Variants in CHD6 observed in about 807,000 individuals in gnomAD.
The protein encoded by CHD6 is ATP-dependent chromatin remodeler CHD6.
CHD6 carries 50 observed loss-of-function variants against 276.9 expected under a neutral mutation model. The ratio of observed to expected loss-of-function variants is 0.18; its 90% CI spans 0.14 to 0.23. The LOEUF (loss-of-function observed/expected upper bound fraction) is 0.23. CHD6 is among the 10% of genes least tolerant of loss of function. CHD6 has a pLI of 1.00. For missense variants in CHD6, 2,564 were observed against 3,365.8 expected (o/e 0.76, Z 5.89); for synonymous variants, 1,173 against 1,229.3 (o/e 0.95, Z 0.96).
chr20:41,406,319 T>C (rs932837609), intron 36 of CHD6, among the ~76,000 whole-genome samples: 13 of 152,252 alleles, frequency 8.5e-5, no homozygotes, highest in Admixed American at 2.0e-4. Context: ...CAGAGAGTTC[T>C]GCAGTAAAGC....
At chr20:41,503,048 A>G (rs1367938535) in intron 5 of CHD6, among the ~76,000 whole-genome samples, 1 of 152,046 alleles carries the variant, frequency 6.6e-6, no homozygotes, top group African/African-American at 2.4e-5. Context: ...AACAAAACCC[A>G]TATGTGCTAC....
In CHD6 at chr20:41,473,129, A is replaced by G; in HGVS notation, c.2664+193T>C. On this transcript the variant is annotated intron_variant, in intron 17 of 36. Transcript: ENST00000373233. This position sits in a 1 kb window ranked among gnomAD's most constrained non-coding sequence, Gnocchi z 4.1. Reference sequence around the variant, plus strand: ...CATTTGATTTAACGGAAAGAACCACACTCTCTAATTAGTTGGAAGGGTCGA... The same window carrying G: ...CATTTGATTTAACGGAAAGAACCACGCTCTCTAATTAGTTGGAAGGGTCGA... The G allele has an allele frequency of 3.8e-6, 2 of 524,830 alleles. No individual in the cohort carries two copies. The highest frequency in any genetic ancestry group is 3.3e-5 in the South Asian group (1 of 30,134). The allele number at this position is 524,830 out of a possible 1,614,324, so 32.5% of individuals were successfully genotyped here. A position where few individuals can be genotyped will look rare whatever the true frequency, so the allele number is the denominator to read the frequency against.
At chr20:41,489,046 G>A (rs2145855217) in intron 12 of CHD6, among the ~76,000 whole-genome samples, 1 of 152,276 alleles carries the variant, frequency 6.6e-6, no homozygotes, top group South Asian at 2.1e-4. Flanking sequence ...TGAAGGTAAT[G>A]ATTCTGATGC....
chr20:41,417,306 T>A lies in CHD6; in HGVS notation c.6171A>T (p.Thr2057=). The A allele has an allele frequency of 6.2e-7, 1 of 1,614,192 alleles. No individual in the cohort carries two copies. The highest frequency in any genetic ancestry group is 8.5e-7 in the Non-Finnish European group (1 of 1,180,034). ...KYSEEESKSS[T]SGITGDIGDE... ...CCCCAATGTCTCCTGTGATGCCCGA[T>A]GTTGAGCTCTTGCTCTCCTCTTCAG... is the stretch of plus-strand genomic sequence containing the variant. The change falls in exon 32 of 37, where the codon ACA becomes ACT. Residue 2057 remains threonine, a synonymous_variant. Transcript: ENST00000373233.
chr20:41,474,688 T>G (rs2043133199), intron 16 of CHD6, among the ~76,000 whole-genome samples: 1 of 152,098 alleles, frequency 6.6e-6, no homozygotes, highest in South Asian at 2.1e-4. Flanking sequence ...AAAATAAGGA[T>G]AGATAACCTA....
intron 25 of CHD6, among the ~76,000 whole-genome samples, chr20:41,442,652 T>G (rs751923579): frequency 2.0e-5 from 3 of 152,190 alleles, no homozygotes; most frequent in Non-Finnish European, 4.4e-5. Flanking sequence ...CCAGAGCTGC[T>G]GAGTATCTGA....
chr20:41,500,285 C>T (rs1001505824), intron 5 of CHD6, among the ~76,000 whole-genome samples: 1 of 152,118 alleles, frequency 6.6e-6, no homozygotes, highest in Non-Finnish European at 1.5e-5. Flanking sequence ...CTTCAGTCTA[C>T]CCATTCTAGG....
At chr20:41,560,346 G>A (rs553328826) in intron 1 of CHD6, among the ~76,000 whole-genome samples, 1 of 152,238 alleles carries the variant, frequency 6.6e-6, no homozygotes, top group Admixed American at 6.5e-5. Context: ...GAACACCTGT[G>A]GGTTCCGACT....
chr20:41,438,735 G>T (rs1431175834), intron 26 of CHD6, among the ~76,000 whole-genome samples: 1 of 152,156 alleles, frequency 6.6e-6, no homozygotes, highest in Non-Finnish European at 1.5e-5. Flanking sequence ...ACAAAAAATA[G>T]CCTTTATGCC....
chr20:41,413,149 T>C (rs1466271581), intron 35 of CHD6, among the ~76,000 whole-genome samples, 175 bp downstream of exon 35: 1 of 152,220 alleles, frequency 6.6e-6, no homozygotes, highest in African/African-American at 2.4e-5. Context: ...TACTGAAGAA[T>C]TTAATCAAAA....
chr20:41,577,972 C>A (rs2045492497), intron 1 of CHD6, among the ~76,000 whole-genome samples: 1 of 152,072 alleles, frequency 6.6e-6, no homozygotes, highest in Non-Finnish European at 1.5e-5. Flanking sequence ...CAGTGTCTGG[C>A]ACATAGAAAA....
chr20:41,454,835 T>C (rs2048336769), intron 19 of CHD6, 99 bp from the exon 20 acceptor site: 10 of 724,842 alleles, frequency 1.4e-5, no homozygotes, highest in Non-Finnish European at 2.0e-5. Flanking sequence ...TATTATCTAT[T>C]TGCATTCAAA....
intron 5 of CHD6, among the ~76,000 whole-genome samples, chr20:41,511,049 T>C (rs750083969): frequency 1.3e-5 from 2 of 152,232 alleles, no homozygotes; most frequent in Non-Finnish European, 2.9e-5. Context: ...TGGATCGTTC[T>C]GGGCTTCAGT....
intron 6 of CHD6, among the ~76,000 whole-genome samples, chr20:41,498,807 ATGTATGTGTGTGTGTG>A (rs61199955): frequency 0.23 from 27,371 of 116,890 alleles, 2,938 homozygotes; most frequent in East Asian, 0.45. Flanking sequence ...GTATGTATGT[ATGTATGTGTGTGTGTG>A]TGTGTGTGTG....
intron 1 of CHD6, among the ~76,000 whole-genome samples, chr20:41,555,032 G>C (rs1435890287): frequency 4.8e-5 from 7 of 147,356 alleles, no homozygotes; most frequent in Non-Finnish European, 9.0e-5. Context: ...CCTCCCTCCC[G>C]GACGGGGCGG....
chr20:41,465,183 T>C (rs1232892371), intron 17 of CHD6, among the ~76,000 whole-genome samples: 2 of 152,298 alleles, frequency 1.3e-5, no homozygotes, highest in East Asian at 3.9e-4. Flanking sequence ...AAAAACAGGA[T>C]AGAGTCTCAA....
intron 16 of CHD6, among the ~76,000 whole-genome samples, chr20:41,478,710 G>A (rs6029702): frequency 0.43 from 65,802 of 152,082 alleles, 16,393 homozygotes; most frequent in East Asian, 0.7. Context: ...GGGAACTACT[G>A]TCTACCAGAC....
At chr20:41,516,224 C>A (rs6102443) in intron 3 of CHD6, among the ~76,000 whole-genome samples, 2 of 151,458 alleles carry the variant, frequency 1.3e-5, no homozygotes, top group African/African-American at 2.4e-5. Context: ...GGTGCAGTGG[C>A]GTGATCTTGG....
intron 3 of CHD6, among the ~76,000 whole-genome samples, chr20:41,529,195 TTA>T (rs1362664787): frequency 3.3e-5 from 5 of 152,222 alleles, no homozygotes; most frequent in African/African-American, 9.7e-5. Flanking sequence ...TTACCTACTG[TTA>T]TATAACAATA....
Sources: allele counts gnomAD v4.1 joint callset (sites outside exome capture counted in the v4.1 genomes callset), GRCh38; gene constraint gnomAD v4.1.1; non-coding constraint Gnocchi (gnomAD v3.1); transcripts MANE v1.5; gene names NCBI Gene and HGNC (gene_info 2026-07-23, HGNC 2026-07-21).